The following KCNQ1OT1 variants were observed in gnomAD, a reference collection of about 807,000 sequenced individuals.
KCNQ1OT1 encodes the protein KCNQ1 opposite strand/antisense transcript 1.
chr11:2,693,000 G>A, exon 1 of KCNQ1OT1: 1 of 398,644 alleles, frequency 2.5e-6, no homozygotes, highest in African/African-American at 2.1e-5. Flanking sequence ...AGCCTCATAA[G>A]CAAGCACGCT....
exon 1 of KCNQ1OT1, chr11:2,650,812 T>C: frequency 2.5e-6 from 1 of 398,638 alleles, no homozygotes; most frequent in Non-Finnish European, 4.4e-6. Flanking sequence ...GGTCATGTGG[T>C]TTTATTTGCA....
chr11:2,673,941 C>G lies in KCNQ1OT1; in HGVS notation n.26054G>C, dbSNP rs1052691884. The G allele has an allele frequency of 5.1e-6, 2 of 394,560 alleles. No individual in the cohort carries two copies. The highest frequency in any genetic ancestry group is 4.3e-5 in the African/African-American group (2 of 47,044). The allele number at this position is 394,560 out of a possible 1,614,324, so 24.4% of individuals were successfully genotyped here. A position where few individuals can be genotyped will look rare whatever the true frequency, so the allele number is the denominator to read the frequency against. On this transcript the variant is annotated non_coding_transcript_exon_variant, in exon 1 of 1. Coordinates refer to ENST00000597346, the Ensembl canonical transcript of KCNQ1OT1. This position sits in a 1 kb window ranked among gnomAD's most constrained non-coding sequence, Gnocchi z 4.5. ...TAGACAAGGGAGTGTGTCTCTTTCC[C>G]CATGAGTGACAGCAGCCACAAGGGG...
exon 1 of KCNQ1OT1, chr11:2,672,833 G>A: frequency 2.5e-6 from 1 of 398,808 alleles, no homozygotes; most frequent in East Asian, 3.6e-5. Context: ...CCAACTCTGG[G>A]TTCTGCCTGG....
chr11:2,641,876 A>G (rs1228247435), exon 1 of KCNQ1OT1: 1 of 398,352 alleles, frequency 2.5e-6, no homozygotes, highest in Non-Finnish European at 4.4e-6. Context: ...CAGCTCCATT[A>G]AGTGAAGAGG....
At position 2,687,591 on chromosome 11, in the gene KCNQ1OT1, A is replaced by G; in HGVS notation, n.12404T>C. ...ACCCCCTGTCAAGGAGGTGTGACTG[A>G]GAAAGGAAGGGGCAGAGATCCCTTC... On this transcript the variant is annotated non_coding_transcript_exon_variant, in exon 1 of 1. Transcript: ENST00000597346. This position sits in a 1 kb window ranked among gnomAD's most constrained non-coding sequence, Gnocchi z 5.0. 2.5e-6 allele frequency: 1 copy of G among 398,654 alleles called. No individual in the cohort carries two copies. Among genetic ancestry groups the G allele is most frequent in the East Asian group, 3.6e-5 (1 of 28,074 alleles). 24.7% of individuals were successfully genotyped at this position (398,654 alleles called of 1,614,324 possible). A position where few individuals can be genotyped will look rare whatever the true frequency, so the allele number is the denominator to read the frequency against.
chr11:2,647,473 T>C lies in KCNQ1OT1; in HGVS notation n.52522A>G, dbSNP rs1480407858. 3 of 398,476 alleles carry C rather than the reference T, an allele frequency of 7.5e-6. No homozygotes were observed. The highest frequency in any genetic ancestry group is 6.2e-5 in the African/African-American group (3 of 48,634). The allele number at this position is 398,476 out of a possible 1,614,324, so 24.7% of individuals were successfully genotyped here. ...GTAGTTTTCTTTTTTGCTGTTATTG[T>C]GTCCTTATCTGGTTTTGGTATCAAG... On this transcript the variant is annotated non_coding_transcript_exon_variant, in exon 1 of 1. Coordinates refer to ENST00000597346, the Ensembl canonical transcript of KCNQ1OT1. The surrounding 1 kb of genome is among the most constrained non-coding windows in gnomAD (Gnocchi z 4.0).
exon 1 of KCNQ1OT1, chr11:2,637,706 G>A (rs1453546461): frequency 1.3e-5 from 2 of 152,196 alleles, no homozygotes; most frequent in Non-Finnish European, 2.9e-5. Context: ...AGGTCCACTT[G>A]GTGCAGAGCT....
Position 2,653,372 on chromosome 11 carries a change from C to T in KCNQ1OT1, n.46623G>A. 2.5e-6 allele frequency: 1 copy of T among 398,780 alleles called. No homozygotes were observed. The highest frequency in any genetic ancestry group is 4.4e-6 in the Non-Finnish European group (1 of 226,156). The allele number at this position is 398,780 out of a possible 1,614,324, so 24.7% of individuals were successfully genotyped here. ...ACACCTCACCCCCAACTTTGTCATG[C>T]ACATTCCTGAAGACTCTCTTGGTAA... is the stretch of plus-strand genomic sequence containing the variant. On this transcript the variant is annotated non_coding_transcript_exon_variant, in exon 1 of 1. Transcript: ENST00000597346. The surrounding 1 kb of genome is among the most constrained non-coding windows in gnomAD (Gnocchi z 5.3).
chr11:2,643,107 T>C (rs890358493), exon 1 of KCNQ1OT1: 3 of 398,094 alleles, frequency 7.5e-6, no homozygotes, highest in Admixed American at 4.4e-5. Flanking sequence ...GAGTGTTCCA[T>C]GTACTGATGA....
Position 2,658,574 on chromosome 11 carries a change from G to A in KCNQ1OT1, n.41421C>T, listed in dbSNP as rs1849893547. The A allele has an allele frequency of 2.9e-6, 1 of 339,370 alleles. No homozygotes were observed. The highest frequency in any genetic ancestry group is 5.0e-6 in the Non-Finnish European group (1 of 198,530). The allele number at this position is 339,370 out of a possible 1,614,324, so 21.0% of individuals were successfully genotyped here. A position where few individuals can be genotyped will look rare whatever the true frequency, so the allele number is the denominator to read the frequency against. On this transcript the variant is annotated non_coding_transcript_exon_variant, in exon 1 of 1. Coordinates refer to ENST00000597346, the Ensembl canonical transcript of KCNQ1OT1. This position sits in a 1 kb window ranked among gnomAD's most constrained non-coding sequence, Gnocchi z 4.9. ...AGCCCTAGAATCATCCATTCATCCA[G>A]AGAGCCCTGGCTCCCTGGAGAATGA...
rs978740411 is a variant in KCNQ1OT1, at chr11:2,654,532, C to T, written n.45463G>A. The T allele has an allele frequency of 2.5e-6, 1 of 398,668 alleles. No individual in the cohort carries two copies. Among genetic ancestry groups the T allele is most frequent in the Non-Finnish European group, 4.4e-6 (1 of 226,232 alleles). 24.7% of individuals were successfully genotyped at this position (398,668 alleles called of 1,614,324 possible). The stretch of plus-strand genomic sequence containing the variant: ...GCCCTGGAAAGCTTGTGGAAGAGGG[C>T]TTGGGTTACACCTGGGAGATTAGGC... On this transcript the variant is annotated non_coding_transcript_exon_variant, in exon 1 of 1. Coordinates refer to ENST00000597346, the Ensembl canonical transcript of KCNQ1OT1. The surrounding 1 kb of genome is among the most constrained non-coding windows in gnomAD (Gnocchi z 6.4).
rs1401178141 is a variant in KCNQ1OT1 at position 2,658,706 on chromosome 11, C to A, written n.41289G>T. 1.5e-5 allele frequency: 6 copies of A among 398,358 alleles called. No individual in the cohort carries two copies. The highest frequency in any genetic ancestry group is 1.3e-4 in the South Asian group (1 of 7,840). 24.7% of individuals were successfully genotyped at this position (398,358 alleles called of 1,614,324 possible). A position where few individuals can be genotyped will look rare whatever the true frequency, so the allele number is the denominator to read the frequency against. On this transcript the variant is annotated non_coding_transcript_exon_variant, in exon 1 of 1. Coordinates refer to ENST00000597346, the Ensembl canonical transcript of KCNQ1OT1. The surrounding 1 kb of genome is among the most constrained non-coding windows in gnomAD (Gnocchi z 4.9). The stretch of plus-strand genomic sequence containing the variant: ...CTAGGAAATATATGTATGTATGTAA[C>A]CTGAGTACACATACATCTTTACATA...
In KCNQ1OT1 at chr11:2,658,180, G is replaced by A; in HGVS notation, n.41815C>T. 1 of 398,586 alleles carries A rather than the reference G, an allele frequency of 2.5e-6. No individual in the cohort carries two copies. The highest frequency in any genetic ancestry group is 3.6e-5 in the East Asian group (1 of 28,076). The allele number at this position is 398,586 out of a possible 1,614,324, so 24.7% of individuals were successfully genotyped here. A position where few individuals can be genotyped will look rare whatever the true frequency, so the allele number is the denominator to read the frequency against. On this transcript the variant is annotated non_coding_transcript_exon_variant, in exon 1 of 1. Coordinates refer to ENST00000597346, the Ensembl canonical transcript of KCNQ1OT1. This position sits in a 1 kb window ranked among gnomAD's most constrained non-coding sequence, Gnocchi z 4.9. ...TACATTTCAAGGAAGAAACTGTGAA[G>A]TTTCTGAGTTTCACTAACTAATTTC...
In KCNQ1OT1 at chr11:2,671,052, C is replaced by T. The variant is rs1850174519; in HGVS notation, n.28943G>A. ...TCCTGGGCAGGGGCTGTATCTGAGG[C>T]ACACATCCTTGGTAGTGACTGGCTA... On this transcript the variant is annotated non_coding_transcript_exon_variant, in exon 1 of 1. Coordinates refer to ENST00000597346, the Ensembl canonical transcript of KCNQ1OT1. The surrounding 1 kb of genome is among the most constrained non-coding windows in gnomAD (Gnocchi z 4.7). 2.3e-5 allele frequency: 9 copies of T among 398,542 alleles called. No homozygotes were observed. The Admixed American group carries it at 4.0e-4, about 18-fold the overall frequency. 24.7% of individuals were successfully genotyped at this position (398,542 alleles called of 1,614,324 possible).
chr11:2,660,966 A>C, exon 1 of KCNQ1OT1: 1 of 398,640 alleles, frequency 2.5e-6, no homozygotes. Context: ...GGCCAATCTA[A>C]ACTGTGGACT....
At position 2,652,572 on chromosome 11, in the gene KCNQ1OT1, T is replaced by G; in HGVS notation, n.47423A>C. On this transcript the variant is annotated non_coding_transcript_exon_variant, in exon 1 of 1. Transcript: ENST00000597346. The surrounding 1 kb of genome is among the most constrained non-coding windows in gnomAD (Gnocchi z 5.9). ...CCAGATTCCATTGTATATTAAAGTT[T>G]CCTAGGGCTGCTCTTGCTGCCTGGA... is the stretch of plus-strand genomic sequence containing the variant. 2.5e-6 allele frequency: 1 copy of G among 398,598 alleles called. No homozygotes were observed. The highest frequency in any genetic ancestry group is 4.4e-6 in the Non-Finnish European group (1 of 226,054). 24.7% of individuals were successfully genotyped at this position (398,598 alleles called of 1,614,324 possible). A position where few individuals can be genotyped will look rare whatever the true frequency, so the allele number is the denominator to read the frequency against.
exon 1 of KCNQ1OT1, chr11:2,684,144 G>A (rs935244131): frequency 2.5e-6 from 1 of 398,492 alleles, no homozygotes; most frequent in African/African-American, 2.1e-5. Flanking sequence ...CTTGAAGAAT[G>A]GGGTACACCA....
chr11:2,630,067 C>A, exon 1 of KCNQ1OT1: 1 of 398,268 alleles, frequency 2.5e-6, no homozygotes, highest in Non-Finnish European at 4.4e-6. Flanking sequence ...TCATATATGG[C>A]CTTTATTGTG....
At chr11:2,637,932 T>C (rs1435942666) in exon 1 of KCNQ1OT1, 1 of 152,242 alleles carries the variant, frequency 6.6e-6, no homozygotes, top group Non-Finnish European at 1.5e-5. Flanking sequence ...TTTACCATTA[T>C]GTAATGACCT....
Sources: allele counts gnomAD v4.1 joint callset, GRCh38; gene constraint gnomAD v4.1.1; non-coding constraint Gnocchi (gnomAD v3.1); transcripts MANE v1.5; gene names NCBI Gene and HGNC (gene_info 2026-07-23, HGNC 2026-07-21).